The following KDM6A variants were observed in gnomAD, a reference collection of about 807,000 sequenced individuals.
KDM6A encodes the protein lysine demethylase 6A, also known as lysine-specific demethylase 6A.
KDM6A carries 11 observed loss-of-function variants against 117.6 expected under a neutral mutation model. The observed-to-expected ratio is 0.09, with a 90% confidence interval of 0.06 to 0.15. The LOEUF is 0.15. Among genes scored for constraint, KDM6A ranks in the 10% least tolerant of loss-of-function variants. The pLI is 1.00. For synonymous variants in KDM6A, 384 were observed against 396.1 expected, an observed-to-expected ratio of 0.97 and a Z score of 0.36; for missense variants, 799 against 1,077.3, an observed-to-expected ratio of 0.74 and a Z score of 3.62.
At chrX:45,040,700 G>T (rs1438808943) in intron 8 of KDM6A, among the ~76,000 whole-genome samples, 2 of 71,180 alleles carry the variant, frequency 2.8e-5, no homozygotes, top group African/African-American at 1.2e-4. Context: ...CCTCCCGGAC[G>T]GGGCGGCTGG....
intron 2 of KDM6A, among the ~76,000 whole-genome samples, chrX:44,879,163 T>C (rs1026988924): frequency 1.8e-5 from 2 of 112,523 alleles, no homozygotes; most frequent in Non-Finnish European, 3.7e-5. Context: ...ACTTAAATTA[T>C]GTAACATTTA....
intron 4 of KDM6A, among the ~76,000 whole-genome samples, chrX:45,005,724 C>G (rs1158500931): frequency 1.8e-5 from 2 of 110,528 alleles, no homozygotes; most frequent in African/African-American, 6.6e-5. Flanking sequence ...CTCTTGCTCC[C>G]TGTCTTGCTT....
intron 3 of KDM6A, among the ~76,000 whole-genome samples, chrX:44,963,483 G>GTGTGTGTGTCTGTCTGTCTGTC (rs1481840859): frequency 2.2e-4 from 9 of 40,885 alleles, no homozygotes; most frequent in African/African-American, 6.8e-4. Context: ...GTGTGTGTGT[G>GTGTGTGTGTCTGTCTGTCTGTC]TGTCTGTCTG....
chrX:44,946,438 G>A (rs2147074749), intron 2 of KDM6A, among the ~76,000 whole-genome samples: 1 of 111,578 alleles, frequency 9.0e-6, no homozygotes, highest in Admixed American at 9.5e-5. Context: ...ATTTTTAGGA[G>A]TTCCTTATAT....
At chrX:44,932,084 CTTTTTT>C (rs796121677) in intron 2 of KDM6A, among the ~76,000 whole-genome samples, 4 of 17,076 alleles carry the variant, frequency 2.3e-4, no homozygotes, top group Non-Finnish European at 3.9e-4. Context: ...TCTAGGTAGC[CTTTTTT>C]TTTTTTTTTT....
At chrX:44,882,591 C>G (rs1007651621) in intron 2 of KDM6A, among the ~76,000 whole-genome samples, 1 of 112,294 alleles carries the variant, frequency 8.9e-6, no homozygotes, top group Non-Finnish European at 1.9e-5. Flanking sequence ...TAATATGTGA[C>G]ACAAGAGGTA....
chrX:45,060,281 G>T, intron 13 of KDM6A, 125 bp downstream of exon 13: 1 of 1,065,629 alleles, frequency 9.4e-7, no homozygotes, highest in South Asian at 2.1e-5. Context: ...TGATTTAATT[G>T]CAAAGGGAAT....
At chrX:45,057,210 TCTTTA>T (rs904192891) in intron 10 of KDM6A, among the ~76,000 whole-genome samples, 37 of 111,557 alleles carry the variant, frequency 3.3e-4, no homozygotes, top group African/African-American at 1.2e-3. Flanking sequence ...CATCTCCTAT[TCTTTA>T]CTTAACATTT....
chrX:44,944,648 C>T (rs1590394), intron 2 of KDM6A, among the ~76,000 whole-genome samples: 112 of 111,769 alleles, frequency 1.0e-3, no homozygotes, highest in Middle Eastern at 4.6e-3. Context: ...GATTCTGTTG[C>T]ACATATTTTG....
intron 2 of KDM6A, among the ~76,000 whole-genome samples, chrX:44,911,522 A>C (rs1389171554): frequency 9.2e-6 from 1 of 109,065 alleles, no homozygotes; most frequent in Non-Finnish European, 1.9e-5. Flanking sequence ...GGCCGGGAAG[A>C]GGCGCTCCTG....
chrX:44,914,201 A>G (rs774155051), intron 2 of KDM6A, among the ~76,000 whole-genome samples: 6 of 111,888 alleles, frequency 5.4e-5, no homozygotes, highest in Non-Finnish European at 1.1e-4. Flanking sequence ...AACACTAGTT[A>G]TGTTTTGGGG....
intron 9 of KDM6A, among the ~76,000 whole-genome samples, chrX:45,052,859 T>C (rs1050683259): frequency 1.8e-5 from 2 of 110,802 alleles, no homozygotes; most frequent in Non-Finnish European, 3.8e-5. Flanking sequence ...CTGGCTGATT[T>C]AAAAAATTTC....
At chrX:45,106,773 A>G in intron 27 of KDM6A, 1 of 258,683 alleles carries the variant, frequency 3.9e-6, no homozygotes, top group Non-Finnish European at 7.4e-6. Flanking sequence ...TAGAAGTTAT[A>G]AGAAAAGTTA....
intron 6 of KDM6A, among the ~76,000 whole-genome samples, chrX:45,027,200 G>T (rs940311689): frequency 9.2e-6 from 1 of 108,627 alleles, no homozygotes; most frequent in Non-Finnish European, 1.9e-5. Context: ...TTAGGGCTGG[G>T]CTCAGTAGCT....
intron 2 of KDM6A, among the ~76,000 whole-genome samples, chrX:44,934,973 G>A (rs947296220): frequency 5.4e-5 from 6 of 111,632 alleles, no homozygotes; most frequent in African/African-American, 1.6e-4. Flanking sequence ...AAGGGTGTTC[G>A]GTAGTGTTAT....
intron 21 of KDM6A, 39 bp downstream of exon 21, chrX:45,079,390 A>C (rs2148123107): frequency 9.7e-7 from 1 of 1,032,830 alleles, no homozygotes; most frequent in Non-Finnish European, 1.4e-6. Flanking sequence ...TAGGATTTTA[A>C]AGATGATTTT....
At chrX:45,068,860 C>T (rs1210230429) in intron 17 of KDM6A, among the ~76,000 whole-genome samples, 1 of 106,730 alleles carries the variant, frequency 9.4e-6, no homozygotes, top group Non-Finnish European at 1.9e-5. Flanking sequence ...TTCCCTTTCT[C>T]TCTCTCTTTT....
chrX:45,005,989 CCCACCACCCACCA>C (rs2041447945), intron 4 of KDM6A, among the ~76,000 whole-genome samples: 7 of 58,233 alleles, frequency 1.2e-4, no homozygotes, highest in African/African-American at 4.2e-4. Flanking sequence ...CCCCCCACCA[CCCACCACCCACCA>C]CCCACCACCC....
intron 2 of KDM6A, among the ~76,000 whole-genome samples, chrX:44,913,877 C>G (rs2035384364): frequency 9.0e-6 from 1 of 111,401 alleles, no homozygotes. Flanking sequence ...GAAGATGCGT[C>G]CTTAACTATC....
Sources: allele counts gnomAD v4.1 joint callset (sites outside exome capture counted in the v4.1 genomes callset), GRCh38; gene constraint gnomAD v4.1.1; transcripts MANE v1.5; gene names NCBI Gene and HGNC (gene_info 2026-07-23, HGNC 2026-07-21).